Variants in TLN1 observed in about 807,000 individuals in gnomAD.
The protein encoded by TLN1 is talin 1.
A neutral mutation model predicts 292.3 loss-of-function variants in TLN1; 56 were observed. The ratio of observed to expected loss-of-function variants is 0.19; its 90% CI spans 0.15 to 0.24. The LOEUF is 0.24. Ranked by LOEUF, TLN1 falls within the 10% of genes least tolerant of loss-of-function variation. The probability of loss-of-function intolerance (pLI) is 1.00; values close to 1 mark genes in which losing one functional copy is unlikely to be tolerated. For missense variants in TLN1, 2,433 were observed against 3,248.2 expected (o/e 0.75, Z 6.10); for synonymous variants, 1,119 against 1,253.7 (o/e 0.89, Z 2.27).
chr9:35,716,581 C>A (rs376624807), intron 19 of TLN1, 25 bp from the exon 20 acceptor site: 2 of 1,608,194 alleles, frequency 1.2e-6, no homozygotes, highest in Admixed American at 3.3e-5. Flanking sequence ...CACAGTCAGG[C>A]GAGGAAGCCA....
At position 35,707,533 on chromosome 9, in the gene TLN1, G is replaced by A. The variant is rs182941217; in HGVS notation, c.4633-45C>T. The A allele has an allele frequency of 2.5e-6, 4 of 1,605,414 alleles. No homozygotes were observed. The East Asian group carries it at 6.7e-5, about 27-fold the overall frequency. On this transcript the variant is annotated intron_variant, in intron 35 of 56. Transcript: ENST00000314888. The surrounding 1 kb of genome is among the most constrained non-coding windows in gnomAD (Gnocchi z 5.6). Reference sequence around the variant, plus strand: ...TCTCAGGACTTGGGATGCAGTCATAGGGGGTATAGGAAGTGAAGTCCAGGT... The same window carrying A: ...TCTCAGGACTTGGGATGCAGTCATAAGGGGTATAGGAAGTGAAGTCCAGGT...
intron 20 of TLN1, among the ~76,000 whole-genome samples, chr9:35,715,857 C>T (rs1437090371): frequency 4.0e-5 from 6 of 150,398 alleles, no homozygotes; most frequent in African/African-American, 1.2e-4. Context: ...TAAGTTCTAG[C>T]GTTCTACACC....
Position 35,706,750 on chromosome 9 carries a change from T to C in TLN1, c.5088+18A>G, listed in dbSNP as rs1825572089. Reference sequence around the variant, plus strand: ...CTCTTCCTAGACACATCTTTCCATATAACCCTCTCCCTCTCACCTCTTGAG... The same window carrying C: ...CTCTTCCTAGACACATCTTTCCATACAACCCTCTCCCTCTCACCTCTTGAG... On this transcript the variant is annotated intron_variant, in intron 38 of 56. Coordinates refer to ENST00000314888, the MANE Select transcript of TLN1 (RefSeq NM_006289.4). The surrounding 1 kb of genome is among the most constrained non-coding windows in gnomAD (Gnocchi z 4.2). 1 of 1,611,986 alleles carries C rather than the reference T, an allele frequency of 6.2e-7. No individual in the cohort carries two copies. The highest frequency in any genetic ancestry group is 8.5e-7 in the Non-Finnish European group (1 of 1,179,132).
In TLN1 at chr9:35,711,715, G is replaced by T. The variant is rs1402490484; in HGVS notation, c.3759C>A (p.Ala1253=). The T allele has an allele frequency of 1.2e-6, 2 of 1,614,172 alleles. No individual in the cohort carries two copies. Among genetic ancestry groups the T allele is most frequent in the Non-Finnish European group, 1.7e-6 (2 of 1,180,034 alleles). The change falls in exon 29 of 57, where the codon GCC becomes GCA. Residue 1253 remains alanine, a synonymous_variant. Transcript: ENST00000314888. ...CCCGAGAGGCCTGCACCAGTTCTGTGGCTGCCTGATTCAGCCCAGCAGCAG... is the reference window on the plus strand; with the variant it reads ...CCCGAGAGGCCTGCACCAGTTCTGTTGCTGCCTGATTCAGCCCAGCAGCAG... ...NEAAAGLNQA[A]TELVQASRGT... is the part of the protein sequence containing the mutation.
rs1208264779 is a variant in TLN1 at position 35,713,140 on chromosome 9, C to T, written c.3352+56G>A. On this transcript the variant is annotated intron_variant, in intron 26 of 56. Transcript: ENST00000314888. ...TGTCAGTCCCATCCCTCATCCAGCT[C>T]CCATTTTCCTACCTCCCTCACAATA... 18 of 1,576,056 alleles carry T rather than the reference C, an allele frequency of 1.1e-5. No homozygotes were observed. The East Asian group carries it at 3.9e-4, about 34-fold the overall frequency.
At chr9:35,700,612 C>A (rs538353393) in intron 48 of TLN1, among the ~76,000 whole-genome samples, 1 of 152,024 alleles carries the variant, frequency 6.6e-6, no homozygotes, top group South Asian at 2.1e-4. Flanking sequence ...TAGAGAGAAG[C>A]CTTGAAGGGG....
In TLN1 at chr9:35,707,024, G is replaced by A. The variant is rs773020389; in HGVS notation, c.4955+48C>T. Reference sequence around the variant, plus strand: ...CACTCAAGTGCCCATCCTCCATTCTGCCACAATGTATGCCCCCCAGCCACA... The same window carrying A: ...CACTCAAGTGCCCATCCTCCATTCTACCACAATGTATGCCCCCCAGCCACA... On this transcript the variant is annotated intron_variant, in intron 37 of 56. Coordinates refer to ENST00000314888, the MANE Select transcript of TLN1 (RefSeq NM_006289.4). This position sits in a 1 kb window ranked among gnomAD's most constrained non-coding sequence, Gnocchi z 5.6. 1.1e-5 allele frequency: 18 copies of A among 1,608,028 alleles called. No individual in the cohort carries two copies. In the South Asian group the frequency reaches 1.8e-4, roughly 16 times the overall value.
intron 1 of TLN1, among the ~76,000 whole-genome samples, chr9:35,728,333 G>A (rs1403323483): frequency 6.6e-6 from 1 of 152,144 alleles, no homozygotes; most frequent in Non-Finnish European, 1.5e-5. Context: ...AAGAGGGATG[G>A]GGGAGTAACA....
At position 35,719,989 on chromosome 9, in the gene TLN1, C is replaced by T; in HGVS notation, c.1464+50G>A. On this transcript the variant is annotated intron_variant, in intron 13 of 56. Coordinates refer to ENST00000314888, the MANE Select transcript of TLN1 (RefSeq NM_006289.4). The surrounding 1 kb of genome is among the most constrained non-coding windows in gnomAD (Gnocchi z 4.6). ...CTGCCTAACTCCTGGCTCGGCCCAG[C>T]TGAGGGTGAGAGAAGGGCCCTGGCA... 6.3e-7 allele frequency: 1 copy of T among 1,583,526 alleles called. No individual in the cohort carries two copies. The highest frequency in any genetic ancestry group is 8.6e-7 in the Non-Finnish European group (1 of 1,163,270).
chr9:35,720,083 G>A lies in TLN1; in HGVS notation c.1420C>T (p.Gln474Ter). Reference sequence around the variant, plus strand: ...CGGTGCATCTGGCCGCTGGTAATCTGCTGCTGGGCAGGGGGCATGCTGCCC... The same window carrying A: ...CGGTGCATCTGGCCGCTGGTAATCTACTGCTGGGCAGGGGGCATGCTGCCC... ...QVGSMPPAQQ[Q>*]ITSGQMHRGH... The change falls in exon 13 of 57, where the codon CAG becomes TAG. Residue 474 changes from glutamine (Q) to a stop codon, truncating the protein, a stop_gained. Transcript: ENST00000314888. LOFTEE classifies it high-confidence loss of function. The A allele has an allele frequency of 6.2e-7, 1 of 1,605,368 alleles. No individual in the cohort carries two copies.
chr9:35,712,214 C>A, intron 27 of TLN1, 90 bp from the exon 28 acceptor site: 1 of 1,476,286 alleles, frequency 6.8e-7, no homozygotes, highest in Admixed American at 2.4e-5. Flanking sequence ...ACTAGCTCTA[C>A]TGCCTCTGAA....
At position 35,698,238 on chromosome 9, in the gene TLN1, A is replaced by G; in HGVS notation, c.7372-66T>C. 1.9e-6 allele frequency: 3 copies of G among 1,609,200 alleles called. No homozygotes were observed. The highest frequency in any genetic ancestry group is 2.6e-6 in the Non-Finnish European group (3 of 1,176,444). On this transcript the variant is annotated intron_variant, in intron 55 of 56. Transcript: ENST00000314888. This position sits in a 1 kb window ranked among gnomAD's most constrained non-coding sequence, Gnocchi z 5.3. The stretch of plus-strand genomic sequence containing the variant: ...CGGTCCCAGTTGAGACAGTACCTCA[A>G]TTCTCTCATAGAAACATACATCTCG...
At position 35,707,795 on chromosome 9, in the gene TLN1, C is replaced by T; in HGVS notation, c.4568G>A (p.Arg1523His). 1.9e-6 allele frequency: 3 copies of T among 1,614,124 alleles called. No individual in the cohort carries two copies. The highest frequency in any genetic ancestry group is 2.5e-6 in the Non-Finnish European group (3 of 1,180,020). Reference sequence around the variant, plus strand: ...CTCCTTGGCTGACTGTACAAACTGGCGCTTGGCAGTAGGATTGGTGGTACG... The same window carrying T: ...CTCCTTGGCTGACTGTACAAACTGGTGCTTGGCAGTAGGATTGGTGGTACG... ...SARTTNPTAK[R>H]QFVQSAKEVA... Residue 1523 changes from arginine (R) to histidine (H), a missense_variant, in exon 35 of 57, where the codon CGC (arginine) becomes CAC (histidine). Transcript: ENST00000314888. This position sits in a 1 kb window ranked among gnomAD's most constrained non-coding sequence, Gnocchi z 5.6.
intron 20 of TLN1, among the ~76,000 whole-genome samples, chr9:35,716,187 C>T (rs1825778531): frequency 9.5e-6 from 1 of 105,158 alleles, no homozygotes. Flanking sequence ...GAGACCACAT[C>T]TTTAAAAAAA....
rs184750021 is a variant in TLN1 at position 35,713,768 on chromosome 9, G to A, written c.3249+185C>T. 1.5e-4 allele frequency among the ~76,000 whole-genome samples: 21 copies of A among 138,848 alleles called. No individual in the cohort carries two copies. The East Asian group carries it at 3.7e-3, about 25-fold the overall frequency. 91.1% of individuals were successfully genotyped at this position (138,848 alleles called of 152,430 possible). On this transcript the variant is annotated intron_variant, in intron 25 of 56. Transcript: ENST00000314888. ...AGAGGAAAGGAAGAAAAGAAAGGAA[G>A]GAAGAAAGAAGGAAGGAGAGAGAAA...
At position 35,720,795 on chromosome 9, in the gene TLN1, G is replaced by A; in HGVS notation, c.1206+17C>T. On this transcript the variant is annotated intron_variant, in intron 11 of 56. Transcript: ENST00000314888. ...GCAAGAGGCGATAAGGAGAAGGCTA[G>A]GGCAGGCAGTGCTCACCTTCTTCAG... 1 of 1,610,244 alleles carries A rather than the reference G, an allele frequency of 6.2e-7. No individual in the cohort carries two copies. Among genetic ancestry groups the A allele is most frequent in the Non-Finnish European group, 8.5e-7 (1 of 1,176,540 alleles).
chr9:35,705,902 G>A (rs763106761), intron 41 of TLN1, 51 bp from the exon 42 acceptor site: 1 of 1,614,132 alleles, frequency 6.2e-7, no homozygotes, highest in South Asian at 1.1e-5. Flanking sequence ...CTCTGCCACT[G>A]TGCTTGGAGG....
At chr9:35,701,230 G>A (rs1825462206) in intron 48 of TLN1, among the ~76,000 whole-genome samples, 2 of 152,222 alleles carry the variant, frequency 1.3e-5, no homozygotes, top group African/African-American at 4.8e-5. Context: ...AGTAGGATGA[G>A]ACTGGAGAAG....
At position 35,720,423 on chromosome 9, in the gene TLN1, C is replaced by G; in HGVS notation, c.1283+10G>C. 6.2e-7 allele frequency: 1 copy of G among 1,614,024 alleles called. No homozygotes were observed. The highest frequency in any genetic ancestry group is 8.5e-7 in the Non-Finnish European group (1 of 1,179,930). The stretch of plus-strand genomic sequence containing the variant: ...CCTGGGAAATGGGATCAGCCCAACT[C>G]CCTTCGTACTTTTTGGGGGACACTG... On this transcript the variant is annotated intron_variant, in intron 12 of 56. Transcript: ENST00000314888.
Sources: gnomAD v4.1 joint callset for allele counts (sites outside exome capture counted in the v4.1 genomes callset) on GRCh38, gnomAD v4.1.1 for gene constraint, Gnocchi (gnomAD v3.1) non-coding constraint, MANE v1.5 for transcripts, NCBI Gene and HGNC (gene_info 2026-07-23, HGNC 2026-07-21) for gene names.